Variants in MAP6 observed in about 807,000 individuals in gnomAD.
The protein encoded by MAP6 is microtubule associated protein 6, also known as microtubule-associated protein 6.
MAP6 carries 26 observed loss-of-function variants against 42.4 expected under a neutral mutation model. The observed-to-expected ratio is 0.61, with a 90% CI of 0.45 to 0.85. MAP6 has a LOEUF of 0.85. Ranked by LOEUF, MAP6 falls within the 40% of genes least tolerant of loss-of-function variation. The pLI is 0.00. For missense variants in MAP6, 966 were observed against 1,099.0 expected (o/e 0.88, Z 1.71); for synonymous variants, 418 against 443.8 (o/e 0.94, Z 0.73).
chr11:75,666,277 A>G (rs1023740502), intron 1 of MAP6, among the ~76,000 whole-genome samples: 4 of 152,230 alleles, frequency 2.6e-5, no homozygotes, highest in Non-Finnish European at 4.4e-5. Context: ...TGGTTGAAAC[A>G]TAAGGGGAGA....
At chr11:75,613,002 A>G (rs1389707168) in intron 1 of MAP6, among the ~76,000 whole-genome samples, 1 of 152,174 alleles carries the variant, frequency 6.6e-6, no homozygotes, top group Non-Finnish European at 1.5e-5. Context: ...CCTACTCTTG[A>G]GTCCAGTCTC....
rs745499772 is a variant in MAP6, at chr11:75,588,019, C to T, written c.1482G>A (p.Lys494=). Reference sequence around the variant, plus strand: ...GTAATGGGATCATGGGACCTAGATCCTTTGGAGGCCCTGGGACCACAGAAC... The same window carrying T: ...GTAATGGGATCATGGGACCTAGATCTTTTGGAGGCCCTGGGACCACAGAAC... The part of the protein sequence containing the change: ...KQGSVVPGPP[K]DLGPMIPLPV... The change falls in exon 4 of 4, where the codon AAG becomes AAA. Residue 494 remains lysine (K), a synonymous_variant. Coordinates refer to ENST00000304771, the MANE Select transcript of MAP6 (RefSeq NM_033063.2). The T allele has an allele frequency of 1.9e-6, 3 of 1,614,156 alleles. No individual in the cohort carries two copies. The highest frequency in any genetic ancestry group is 1.7e-6 in the Non-Finnish European group (2 of 1,180,020).
chr11:75,667,841 G>C lies in MAP6; in HGVS notation c.529C>G (p.Pro177Ala). 1 of 1,420,640 alleles carries C rather than the reference G, an allele frequency of 7.0e-7. No individual in the cohort carries two copies. The allele number at this position is 1,420,640 out of a possible 1,614,324, so 88.0% of individuals were successfully genotyped here. ...RRGDHPWIPK[P>A]VQISAASQAS... ...TGGGAGGCCGCAGAGATCTGCACGG[G>C]CTTGGGGATCCACGGGTGGTCCCCG... The change falls in exon 1 of 4, where the codon CCC (proline) becomes GCC (alanine). Residue 177 changes from proline to alanine, a missense_variant. Physicochemically the swap from Pro to Ala is conservative, Grantham distance 27 (BLOSUM62 -1). This residue lies in a region of MAP6 where 943 missense variants were observed against 1,049.9 expected (regional missense o/e 0.90). Coordinates refer to ENST00000304771, the MANE Select transcript of MAP6 (RefSeq NM_033063.2). This position sits in a 1 kb window ranked among gnomAD's most constrained non-coding sequence, Gnocchi z 5.6.
Position 75,668,767 on chromosome 11 carries a change from C to T in MAP6, c.-398G>A. On this transcript the variant is annotated 5_prime_UTR_variant, in exon 1 of 4. Transcript: ENST00000304771. The stretch of plus-strand genomic sequence containing the variant: ...CTTAAGCCATGGCGCAGAGGAGGGG[C>T]CGGGCGGTGTGGCCGCAGGGTCCGC... 1 of 161,352 alleles carries T rather than the reference C, an allele frequency of 6.2e-6. No individual in the cohort carries two copies. Among genetic ancestry groups the T allele is most frequent in the Non-Finnish European group, 1.3e-5 (1 of 74,140 alleles). 10.0% of individuals were successfully genotyped at this position (161,352 alleles called of 1,614,324 possible).
In MAP6 at chr11:75,587,509, C is replaced by T. The variant is rs763029850; in HGVS notation, c.1992G>A (p.Met664Ile). Residue 664 changes from methionine (M) to isoleucine (I), a missense_variant, in exon 4 of 4, where the codon ATG becomes ATA. Met to Ile is a conservative substitution (Grantham distance 10). Transcript: ENST00000304771. ...ATAPIKNQGS[M>I]VSEPVKNQGL... The stretch of plus-strand genomic sequence containing the variant: ...CTTGATTCTTTACAGGCTCAGAGAC[C>T]ATGGAACCTTGATTCTTTATGGGTG... 3.1e-6 allele frequency: 5 copies of T among 1,614,044 alleles called. No homozygotes were observed. The highest frequency in any genetic ancestry group is 4.2e-6 in the Non-Finnish European group (5 of 1,180,026).
chr11:75,612,318 G>C (rs1287045173), intron 1 of MAP6, among the ~76,000 whole-genome samples: 1 of 152,206 alleles, frequency 6.6e-6, no homozygotes, highest in African/African-American at 2.4e-5. Context: ...GTACCCCACA[G>C]GGATGTGTAA....
chr11:75,633,929 T>TGTAG, intron 1 of MAP6, among the ~76,000 whole-genome samples: 1 of 152,332 alleles, frequency 6.6e-6, no homozygotes, highest in East Asian at 1.9e-4. Context: ...GCAGACCTGA[T>TGTAG]GTAGCTCCGA....
At chr11:75,637,863 G>C (rs933081705) in intron 1 of MAP6, among the ~76,000 whole-genome samples, 2 of 142,364 alleles carry the variant, frequency 1.4e-5, no homozygotes, top group Non-Finnish European at 3.1e-5. Flanking sequence ...AAGGAAGGAG[G>C]GAGGGAAGGA....
intron 3 of MAP6, chr11:75,603,986 G>A: frequency 2.0e-6 from 2 of 985,804 alleles, no homozygotes; most frequent in Non-Finnish European, 2.4e-6. Context: ...TAAATGTTAA[G>A]ATTAGCTGGC....
At chr11:75,604,527 C>T in intron 3 of MAP6, 1 of 985,352 alleles carries the variant, frequency 1.0e-6, no homozygotes, top group Non-Finnish European at 1.2e-6. Flanking sequence ...GTGTGCTGAG[C>T]AATATACACG....
At chr11:75,612,265 C>T (rs1391503752) in intron 1 of MAP6, among the ~76,000 whole-genome samples, 1 of 152,182 alleles carries the variant, frequency 6.6e-6, no homozygotes, top group African/African-American at 2.4e-5. Context: ...TTCACTCATC[C>T]ATTCATTTGG....
intron 1 of MAP6, among the ~76,000 whole-genome samples, chr11:75,625,368 G>C (rs994978681): frequency 5.9e-5 from 9 of 152,166 alleles, no homozygotes; most frequent in Admixed American, 4.6e-4. Context: ...CTTCGCATCA[G>C]CACCCTGCAT....
chr11:75,656,969 C>T (rs767087712), intron 1 of MAP6, among the ~76,000 whole-genome samples: 11 of 152,144 alleles, frequency 7.2e-5, no homozygotes, highest in Non-Finnish European at 1.6e-4. Flanking sequence ...CCAGAGATTA[C>T]CATTATTCCA....
intron 1 of MAP6, among the ~76,000 whole-genome samples, chr11:75,633,866 G>C (rs1486268327): frequency 6.6e-6 from 1 of 152,236 alleles, no homozygotes; most frequent in East Asian, 1.9e-4. Context: ...GGATAACAGA[G>C]AGAGGGATTT....
intron 3 of MAP6, chr11:75,604,799 C>T (rs1207026657): frequency 2.0e-6 from 2 of 985,378 alleles, no homozygotes; most frequent in Non-Finnish European, 2.4e-6. Context: ...AGCTAAGTCA[C>T]AGACATTCTC....
At chr11:75,665,546 T>G (rs962924678) in intron 1 of MAP6, among the ~76,000 whole-genome samples, 1 of 152,146 alleles carries the variant, frequency 6.6e-6, no homozygotes, top group South Asian at 2.1e-4. Context: ...AGTGGGAAGA[T>G]GAAGAGGCCA....
At chr11:75,639,607 C>A (rs1199350093) in intron 1 of MAP6, among the ~76,000 whole-genome samples, 1 of 152,174 alleles carries the variant, frequency 6.6e-6, no homozygotes, top group Non-Finnish European at 1.5e-5. Flanking sequence ...ACTTTCTTTT[C>A]AAAGCTAAAC....
intron 1 of MAP6, among the ~76,000 whole-genome samples, chr11:75,623,364 C>G (rs372490024): frequency 6.6e-6 from 1 of 152,104 alleles, no homozygotes; most frequent in Non-Finnish European, 1.5e-5. Context: ...GACGGCTGCA[C>G]CAATGTATAA....
chr11:75,626,221 C>A (rs779677550), intron 1 of MAP6, among the ~76,000 whole-genome samples: 1 of 152,212 alleles, frequency 6.6e-6, no homozygotes, highest in Non-Finnish European at 1.5e-5. Flanking sequence ...ACAGAGCAGG[C>A]ACTGAGAAAA....
Sources: gnomAD v4.1 joint callset for allele counts (sites outside exome capture counted in the v4.1 genomes callset) on GRCh38, gnomAD v4.1.1 for gene constraint, gnomAD v4.1.1 regional missense constraint, Gnocchi (gnomAD v3.1) non-coding constraint, MANE v1.5 for transcripts, NCBI Gene and HGNC (gene_info 2026-07-23, HGNC 2026-07-21) for gene names.